Variants in KIF2A observed in about 807,000 individuals in gnomAD.
The protein encoded by KIF2A is kinesin-like protein KIF2A.
Under a neutral mutation model 100.2 loss-of-function variants are expected in KIF2A, and 22 were observed. That is an observed-to-expected ratio of 0.22 (90% CI 0.16 to 0.31). The LOEUF (loss-of-function observed/expected upper bound fraction) is 0.31. Among genes scored for constraint, KIF2A ranks in the 10% least tolerant of loss-of-function variants. KIF2A has a pLI of 1.00. For missense variants in KIF2A, 495 were observed against 898.7 expected, an observed-to-expected ratio of 0.55 and a Z score of 5.74; for synonymous variants, 268 against 285.9, an observed-to-expected ratio of 0.94 and a Z score of 0.63.
intron 4 of KIF2A, among the ~76,000 whole-genome samples, chr5:62,350,650 G>T (rs1322922152): frequency 1.3e-5 from 2 of 152,056 alleles, no homozygotes; most frequent in Non-Finnish European, 2.9e-5. Flanking sequence ...GGTGACTCAG[G>T]CCTGTAATCT....
rs112796318 is a variant in KIF2A at position 62,355,366 on chromosome 5, G to T, written c.654+112G>T. ...CAGCTATGTAGTTTTTCCTTTCCTT[G>T]TGGGTGCTCATTCCCCATATTTTAA... On this transcript the variant is annotated intron_variant, in intron 7 of 20. Coordinates refer to ENST00000407818, the MANE Select transcript of KIF2A (RefSeq NM_001098511.3). 0.016 allele frequency: 9,487 copies of T among 592,308 alleles called. 578 individuals carry two copies. Among genetic ancestry groups the T allele is most frequent in the African/African-American group, 0.15 (7,797 of 52,934 alleles). The allele number at this position is 592,308 out of a possible 1,614,324, so 36.7% of individuals were successfully genotyped here.
chr5:62,352,562 T>C, intron 4 of KIF2A, 26 bp from the exon 5 acceptor site: 1 of 1,503,834 alleles, frequency 6.6e-7, no homozygotes, highest in Non-Finnish European at 8.9e-7. Context: ...TATCCTGAAT[T>C]TAAAATTTTT....
rs1052613653 is a variant in KIF2A, at chr5:62,377,697, G to A, written c.1948G>A (p.Glu650Lys). Residue 650 changes from glutamate to lysine, a missense_variant, in exon 19 of 21, where the codon GAA (glutamate) becomes AAA (lysine). By Grantham distance (56) the Glu-to-Lys change is moderately conservative. Transcript: ENST00000407818. ...CTCTCCACAGTTGTTTACTTTCCAC[G>A]AAGCTGTTTCACAAATGGTAGAAAT... ...EVSPQLFTFHEAVSQMVEMEE... is the reference protein window; with the variant it reads ...EVSPQLFTFHKAVSQMVEMEE... 4 of 1,555,682 alleles carry A rather than the reference G, an allele frequency of 2.6e-6. No individual in the cohort carries two copies. In the African/African-American group the frequency reaches 4.1e-5, roughly 16 times the overall value.
Position 62,351,245 on chromosome 5 carries a change from TAAATA to T in KIF2A, c.334+1127_334+1131del, listed in dbSNP as rs1283191339. On this transcript the variant is annotated intron_variant, in intron 4 of 20. Transcript: ENST00000407818. ...GACCCTGTCTCAATAAATAAATAAA[TAAATA>T]ATATAATAAAATAAAATGGATGAGA... Among the ~76,000 whole-genome samples, 6 of 151,730 alleles carry T rather than the reference TAAATA, an allele frequency of 4.0e-5. No homozygotes were observed. The East Asian group carries it at 1.2e-3, about 29-fold the overall frequency.
At chr5:62,357,386 CT>C (rs2111939927) in intron 7 of KIF2A, among the ~76,000 whole-genome samples, 1 of 152,244 alleles carries the variant, frequency 6.6e-6, no homozygotes, top group African/African-American at 2.4e-5. Flanking sequence ...GCCCGGCCTC[CT>C]CACAGCTTCT....
intron 1 of KIF2A, among the ~76,000 whole-genome samples, chr5:62,326,129 TA>T (rs369094625): frequency 1.3e-5 from 2 of 151,028 alleles, no homozygotes; most frequent in Non-Finnish European, 3.0e-5. Flanking sequence ...AAATAAAAGT[TA>T]AAAAAAAATG....
rs1580075970 is a variant in KIF2A, at chr5:62,361,495, C to A, written c.993C>A (p.Asn331Lys). Residue 331 changes from asparagine (N) to lysine (K), a missense_variant, in exon 11 of 21, where the codon AAC (asparagine) becomes AAA (lysine). By Grantham distance (94) the Asn-to-Lys change is moderately conservative. Transcript: ENST00000407818. ...HTMGGDFSGK[N>K]QDCSKGIYAL... ...TGGGTGGTGACTTTTCAGGAAAGAA[C>A]CAAGATTGTTCTAAAGGAATTTATG... 6.3e-7 allele frequency: 1 copy of A among 1,585,182 alleles called. No homozygotes were observed. Among genetic ancestry groups the A allele is most frequent in the Non-Finnish European group, 8.7e-7 (1 of 1,154,982 alleles).
At position 62,390,528 on chromosome 5, in the gene KIF2A, A is replaced by C. The variant is rs1742253065; in HGVS notation, c.*4959A>C. Among the ~76,000 whole-genome samples, 1 of 152,190 alleles carries C rather than the reference A, an allele frequency of 6.6e-6. No homozygotes were observed. The highest frequency in any genetic ancestry group is 1.5e-5 in the Non-Finnish European group (1 of 68,046). On this transcript the variant is annotated 3_prime_UTR_variant, in exon 21 of 21. Coordinates refer to ENST00000407818, the MANE Select transcript of KIF2A (RefSeq NM_001098511.3). ...GTATTATGATTTTTCTACCTTATGG[A>C]CTATTTTGGAGGGATAAGCTATTAA...
At chr5:62,329,668 A>AT (rs1746540805) in intron 1 of KIF2A, among the ~76,000 whole-genome samples, 1 of 152,164 alleles carries the variant, frequency 6.6e-6, no homozygotes, top group East Asian at 1.9e-4. Flanking sequence ...GTTAACTTCC[A>AT]TTTTCTAAAT....
At position 62,358,241 on chromosome 5, in the gene KIF2A, C is replaced by G. The variant is rs759996312; in HGVS notation, c.814C>G (p.Gln272Glu). 1 of 1,602,126 alleles carries G rather than the reference C, an allele frequency of 6.2e-7. No individual in the cohort carries two copies. The highest frequency in any genetic ancestry group is 8.5e-7 in the Non-Finnish European group (1 of 1,175,840). Residue 272 changes from glutamine (Q) to glutamate (E), a missense_variant, in exon 9 of 21, where the codon CAA (glutamine) becomes GAA (glutamate). Gln to Glu is a conservative substitution (Grantham distance 29). This residue lies in a region of KIF2A where 109 missense variants were observed against 244.2 expected (regional missense o/e 0.45). Transcript: ENST00000407818. ...AGATTTAACAAGGTACCTAGAAAAC[C>G]AAACATTTCGTTTTGATTATGCCTT... ...KVDLTRYLEN[Q>E]TFRFDYAFDD...
At chr5:62,308,255 A>G in intron 1 of KIF2A, 1 of 1,030,898 alleles carries the variant, frequency 9.7e-7, no homozygotes. Flanking sequence ...TTTCTTTTAT[A>G]TTTTCTCTTC....
chr5:62,389,034 G>GTTGA lies in KIF2A; in HGVS notation c.*3466_*3469dup. On this transcript the variant is annotated 3_prime_UTR_variant, in exon 21 of 21. Coordinates refer to ENST00000407818, the MANE Select transcript of KIF2A (RefSeq NM_001098511.3). ...CCTAGGAAAAATGAATACCTTCTGCGTTGAATCCATGTAGCAATCTGAAAA... is the reference window on the plus strand; with the variant it reads ...CCTAGGAAAAATGAATACCTTCTGCGTTGATTGAATCCATGTAGCAATCTGAAAA... 6.2e-7 allele frequency: 1 copy of GTTGA among 1,609,402 alleles called. No homozygotes were observed. Among genetic ancestry groups the GTTGA allele is most frequent in the Non-Finnish European group, 8.5e-7 (1 of 1,178,640 alleles).
At chr5:62,362,967 T>C (rs1319502689) in intron 12 of KIF2A, among the ~76,000 whole-genome samples, 3 of 152,254 alleles carry the variant, frequency 2.0e-5, no homozygotes, top group Middle Eastern at 3.4e-3. Flanking sequence ...GCTGCGACTA[T>C]AGGCATGCAC....
In KIF2A at chr5:62,362,444, T is replaced by G; in HGVS notation, c.1028-6T>G. On this transcript the variant is annotated splice_region_variant and splice_polypyrimidine_tract_variant and intron_variant, in intron 11 of 20. Transcript: ENST00000407818. ...CTCAATTTTCTGTATATGAAATTTT[T>G]GACAGCTCGAGATGTCTTTTTAATG... 1 of 1,381,374 alleles carries G rather than the reference T, an allele frequency of 7.2e-7. No homozygotes were observed. The allele number at this position is 1,381,374 out of a possible 1,614,324, so 85.6% of individuals were successfully genotyped here.
chr5:62,375,854 C>G (rs1741518496), intron 18 of KIF2A, among the ~76,000 whole-genome samples: 1 of 152,080 alleles, frequency 6.6e-6, no homozygotes, highest in African/African-American at 2.4e-5. Context: ...CAGGAGTGTC[C>G]CCCTCACCTT....
intron 9 of KIF2A, among the ~76,000 whole-genome samples, chr5:62,360,455 C>T (rs548871350): frequency 9.9e-5 from 15 of 152,196 alleles, no homozygotes; most frequent in African/African-American, 2.6e-4. Context: ...GAGGCCAAGG[C>T]GGGCAGATCG....
chr5:62,348,015 T>C (rs1255176710), intron 2 of KIF2A, 33 bp from the exon 3 acceptor site: 1 of 1,589,106 alleles, frequency 6.3e-7, no homozygotes, highest in Non-Finnish European at 8.6e-7. Flanking sequence ...CAAAATATAC[T>C]CTCAAAAGAC....
rs200042213 is a variant in KIF2A, at chr5:62,372,528, C to T, written c.1737C>T (p.Asp579=). The T allele has an allele frequency of 2.9e-4, 472 of 1,604,248 alleles. No individual in the cohort carries two copies. Among genetic ancestry groups the T allele is most frequent in the Middle Eastern group, 1.2e-3 (7 of 6,046 alleles). ...ATCTCTCTCCTTCTTATGAATATGA[C>T]GACTTTTCTCCTTCAGTTACCAGGT... ...RPDLSPSYEY[D]DFSPSVTRVK... Residue 579 remains aspartate, a synonymous_variant, in exon 17 of 21, where the codon GAC becomes GAT. Coordinates refer to ENST00000407818, the MANE Select transcript of KIF2A (RefSeq NM_001098511.3).
chr5:62,329,697 C>T (rs1312661874), intron 1 of KIF2A, among the ~76,000 whole-genome samples: 1 of 152,120 alleles, frequency 6.6e-6, no homozygotes, highest in Non-Finnish European at 1.5e-5. Flanking sequence ...TTTGTAGCAT[C>T]CTTGTCCTTT....
Sources: allele counts gnomAD v4.1 joint callset (sites outside exome capture counted in the v4.1 genomes callset), GRCh38; gene constraint gnomAD v4.1.1; regional missense constraint gnomAD v4.1.1; transcripts MANE v1.5; gene names NCBI Gene and HGNC (gene_info 2026-07-23, HGNC 2026-07-21).